FGF12: variants seen among roughly 807,000 people sequenced by gnomAD.
FGF12 encodes fibroblast growth factor 12, also known as fibroblast growth factor 12B.
A neutral mutation model predicts 23.6 loss-of-function variants in FGF12; 14 were observed. That is an observed-to-expected ratio of 0.59 (90% CI 0.39 to 0.93). FGF12 has a LOEUF of 0.93. FGF12 is among the 40% of genes least tolerant of loss of function. FGF12 has a pLI of 0.00. For missense variants in FGF12, 175 were observed against 217.8 expected (o/e 0.80, Z 1.24); for synonymous variants, 62 against 77.3 (o/e 0.80, Z 1.04).
chr3:192,168,952 A>T (rs9814629), intron 5 of FGF12, among the ~76,000 whole-genome samples: 60,823 of 151,844 alleles, frequency 0.4, 14,887 homozygotes, highest in Non-Finnish European at 0.54. Context: ...CTCTTGAATT[A>T]TTTTTTTCCA....
chr3:192,254,777 AG>A (rs1485263792), intron 4 of FGF12, among the ~76,000 whole-genome samples: 1 of 152,118 alleles, frequency 6.6e-6, no homozygotes, highest in Non-Finnish European at 1.5e-5. Flanking sequence ...CACTATAAAA[AG>A]TTTAACAATT....
At chr3:192,312,036 AT>A (rs1715975580) in intron 4 of FGF12, among the ~76,000 whole-genome samples, 2 of 152,028 alleles carry the variant, frequency 1.3e-5, no homozygotes, top group South Asian at 4.1e-4. Context: ...TTACTGAGTT[AT>A]AAGAGTTCTT....
chr3:192,493,255 C>T (rs952048736), intron 2 of FGF12, among the ~76,000 whole-genome samples: 8 of 152,104 alleles, frequency 5.3e-5, no homozygotes, highest in African/African-American at 1.9e-4. Context: ...ACTAAATTAT[C>T]TCTAAAGATT....
intron 2 of FGF12, among the ~76,000 whole-genome samples, chr3:192,721,595 ACAC>A (rs1182169348): frequency 6.6e-6 from 1 of 152,168 alleles, no homozygotes; most frequent in Non-Finnish European, 1.5e-5. Context: ...GTAGCACAAA[ACAC>A]CAAACCTAAT....
intron 2 of FGF12, among the ~76,000 whole-genome samples, chr3:192,591,365 G>T (rs1399036063): frequency 6.6e-6 from 1 of 151,532 alleles, no homozygotes; most frequent in Admixed American, 6.6e-5. Flanking sequence ...GACATGCTCG[G>T]CTCCCAGTTT....
intron 4 of FGF12, among the ~76,000 whole-genome samples, chr3:192,303,477 A>T (rs1453782819): frequency 1.3e-5 from 2 of 152,206 alleles, no homozygotes; most frequent in Non-Finnish European, 2.9e-5. Flanking sequence ...CTTGCTGTTA[A>T]GTGCAATGAC....
intron 2 of FGF12, among the ~76,000 whole-genome samples, chr3:192,697,235 C>G (rs1194071057): frequency 6.6e-6 from 1 of 152,136 alleles, no homozygotes; most frequent in East Asian, 1.9e-4. Context: ...AAACACACAG[C>G]TCTCTTAAAT....
At chr3:192,710,171 C>T (rs917207931) in intron 2 of FGF12, among the ~76,000 whole-genome samples, 2 of 152,182 alleles carry the variant, frequency 1.3e-5, no homozygotes, top group Admixed American at 6.5e-5. Flanking sequence ...CTGGCCAGGG[C>T]ACTGCTGAGA....
intron 2 of FGF12, among the ~76,000 whole-genome samples, chr3:192,537,558 T>C (rs538467993): frequency 6.6e-6 from 1 of 152,240 alleles, no homozygotes; most frequent in African/African-American, 2.4e-5. Context: ...TCAGTGATGC[T>C]GAGCATATTG....
intron 4 of FGF12, among the ~76,000 whole-genome samples, chr3:192,333,349 G>A (rs865875880): frequency 6.6e-6 from 1 of 151,976 alleles, no homozygotes; most frequent in African/African-American, 2.4e-5. Context: ...ACATTTAGCT[G>A]CTTATTTAAT....
intron 4 of FGF12, among the ~76,000 whole-genome samples, chr3:192,320,352 C>T (rs561641787): frequency 1.3e-5 from 2 of 152,070 alleles, no homozygotes; most frequent in Non-Finnish European, 2.9e-5. Context: ...CAGAGAGAGA[C>T]CCCAATAAAA....
At chr3:192,520,470 C>G (rs1400166880) in intron 2 of FGF12, among the ~76,000 whole-genome samples, 1 of 152,118 alleles carries the variant, frequency 6.6e-6, no homozygotes, top group Non-Finnish European at 1.5e-5. Context: ...TTTATGTACA[C>G]TTATTTTTGT....
intron 4 of FGF12, among the ~76,000 whole-genome samples, chr3:192,178,119 C>G (rs1334888590): frequency 6.6e-6 from 1 of 152,084 alleles, no homozygotes; most frequent in Non-Finnish European, 1.5e-5. Context: ...TGGGAAAGGC[C>G]TCTTTCTTTC....
At chr3:192,601,217 T>A (rs1362230453) in intron 2 of FGF12, among the ~76,000 whole-genome samples, 1 of 152,022 alleles carries the variant, frequency 6.6e-6, no homozygotes, top group Non-Finnish European at 1.5e-5. Context: ...AAGTTCTCAA[T>A]CATATGTAGA....
intron 2 of FGF12, among the ~76,000 whole-genome samples, chr3:192,669,923 T>C (rs1717047291): frequency 6.6e-6 from 1 of 152,224 alleles, no homozygotes; most frequent in Non-Finnish European, 1.5e-5. Context: ...ACAAGGTAGC[T>C]AATGTGAAAG....
chr3:192,539,789 G>T (rs1009054718), intron 2 of FGF12, among the ~76,000 whole-genome samples: 1 of 151,784 alleles, frequency 6.6e-6, no homozygotes, highest in African/African-American at 2.4e-5. Flanking sequence ...CAGGCTTTTC[G>T]TTGCTGGGTG....
intron 2 of FGF12, among the ~76,000 whole-genome samples, chr3:192,525,680 A>G (rs986369336): frequency 1.3e-5 from 2 of 152,214 alleles, no homozygotes; most frequent in South Asian, 4.1e-4. Context: ...TCGACAGTGT[A>G]AGTTTGGTAC....
intron 4 of FGF12, among the ~76,000 whole-genome samples, chr3:192,330,770 A>G (rs925579351): frequency 3.9e-5 from 6 of 152,120 alleles, no homozygotes; most frequent in Admixed American, 3.3e-4. Flanking sequence ...AAACATAGGA[A>G]AAAACCTTCA....
At chr3:192,665,542 T>C (rs1347290328) in intron 2 of FGF12, among the ~76,000 whole-genome samples, 2 of 133,520 alleles carry the variant, frequency 1.5e-5, no homozygotes, top group Non-Finnish European at 3.0e-5. Context: ...TTCTCATAAG[T>C]AGGAGTTAAA....
Sources: allele counts gnomAD v4.1 joint callset (sites outside exome capture counted in the v4.1 genomes callset), GRCh38; gene constraint gnomAD v4.1.1; transcripts MANE v1.5; gene names NCBI Gene and HGNC (gene_info 2026-07-23, HGNC 2026-07-21).